Variants in ZNF107 observed in about 807,000 individuals in gnomAD.
ZNF107 encodes C2H2 type zinc-finger protein.
In ZNF107, 19 loss-of-function variants were observed where a neutral mutation model predicts 12.3. The observed-to-expected ratio is 1.55, with a 90% CI of 1.08 to 2.27. The LOEUF is 2.27. Among genes scored for constraint, ZNF107 ranks in the 30% most tolerant of loss-of-function variants. The pLI is 0.00. For missense variants in ZNF107, 958 were observed against 979.9 expected (o/e 0.98, Z 0.30); for synonymous variants, 317 against 330.5 (o/e 0.96, Z 0.44).
chr7:64,677,305 G>A (rs1178070733), intron 1 of ZNF107, among the ~76,000 whole-genome samples: 1 of 151,570 alleles, frequency 6.6e-6, no homozygotes, highest in Non-Finnish European at 1.5e-5. Context: ...CCAAGTAGCT[G>A]GGATTACAGG....
chr7:64,701,643 A>G (rs555545456), intron 3 of ZNF107, among the ~76,000 whole-genome samples: 134 of 152,006 alleles, frequency 8.8e-4, no homozygotes, highest in African/African-American at 3.1e-3. Context: ...TATTTAAGAT[A>G]GGGTTTCACT....
At chr7:64,694,512 GT>G (rs112067000) in intron 3 of ZNF107, among the ~76,000 whole-genome samples, 59,034 of 149,120 alleles carry the variant, frequency 0.4, 11,795 homozygotes, top group African/African-American at 0.42. Flanking sequence ...CTTTTTTTTT[GT>G]TTTTTTTTGT....
rs778138567 is a variant in ZNF107, at chr7:64,707,187, A to G, written c.1090A>G (p.Thr364Ala). Residue 364 changes from threonine (T) to alanine (A), a missense_variant, in exon 4 of 4, where the codon ACT (threonine) becomes GCT (alanine). By Grantham distance (58) the Thr-to-Ala change is moderately conservative. Transcript: ENST00000620827. ...CCTTAATAAACAGGAGAAAATTCAT[A>G]CTGGAGGGAAACTCAACAAATGTGA... ...SNLNKQEKIH[T>A]GGKLNKCEEC... The G allele has an allele frequency of 6.2e-7, 1 of 1,613,768 alleles. No individual in the cohort carries two copies. Among genetic ancestry groups the G allele is most frequent in the Non-Finnish European group, 8.5e-7 (1 of 1,179,828 alleles).
chr7:64,692,336 T>A, intron 3 of ZNF107, among the ~76,000 whole-genome samples: 1 of 152,206 alleles, frequency 6.6e-6, no homozygotes, highest in East Asian at 1.9e-4. Context: ...ATATCTGAAA[T>A]GTGTGAGTAG....
chr7:64,706,434 T>C lies in ZNF107; in HGVS notation c.337T>C (p.Leu113=). The C allele has an allele frequency of 6.2e-7, 1 of 1,613,364 alleles. No homozygotes were observed. The highest frequency in any genetic ancestry group is 8.5e-7 in the Non-Finnish European group (1 of 1,179,582). The change falls in exon 4 of 4, where the codon TTA becomes CTA. Residue 113 remains leucine, a synonymous_variant. Transcript: ENST00000620827. ...AAAATGTGAATATGAGAATTTACAG[T>C]TAAGAAAAGGCTGTAAACATGTGGA... The part of the protein sequence containing the change: ...YGKCEYENLQ[L]RKGCKHVDEC...
Position 64,707,689 on chromosome 7 carries a change from A to T in ZNF107, c.1592A>T (p.His531Leu), listed in dbSNP as rs755117930. ...AACCTTACTGAACATAAGAAAATTC[A>T]TACTGGAGAGAAACCCTATAAATGT... ...SSNLTEHKKI[H>L]TGEKPYKCEE... Residue 531 changes from histidine (H) to leucine (L), a missense_variant, in exon 4 of 4, where the codon CAT becomes CTT. His to Leu is a moderately conservative substitution (Grantham distance 99). Transcript: ENST00000620827. 1.2e-6 allele frequency: 2 copies of T among 1,612,898 alleles called. No individual in the cohort carries two copies. Among genetic ancestry groups the T allele is most frequent in the South Asian group, 2.2e-5 (2 of 90,998 alleles).
At chr7:64,673,424 A>G (rs1002678323) in intron 1 of ZNF107, among the ~76,000 whole-genome samples, 1 of 152,168 alleles carries the variant, frequency 6.6e-6, no homozygotes, top group Non-Finnish European at 1.5e-5. Flanking sequence ...CTACTTTTTA[A>G]TAAGGTTGTT....
chr7:64,675,182 C>G (rs1165546364), intron 1 of ZNF107, among the ~76,000 whole-genome samples: 1 of 152,148 alleles, frequency 6.6e-6, no homozygotes, highest in Non-Finnish European at 1.5e-5. Flanking sequence ...ATGGTACCGG[C>G]TCTTCTTTGT....
chr7:64,684,451 A>G (rs772511564), intron 1 of ZNF107: 128 of 437,696 alleles, frequency 2.9e-4, no homozygotes, highest in South Asian at 3.8e-4. Context: ...TGGTACCCCA[A>G]TGGCTGTCTG....
At chr7:64,678,723 AATT>A (rs1482578493) in intron 1 of ZNF107, among the ~76,000 whole-genome samples, 1 of 152,158 alleles carries the variant, frequency 6.6e-6, no homozygotes, top group Non-Finnish European at 1.5e-5. Flanking sequence ...TTTACTACCA[AATT>A]ATTATAGTAG....
Position 64,708,585 on chromosome 7 carries a change from T to C in ZNF107, c.2488T>C (p.Ser830Pro). The change falls in exon 4 of 4, where the codon TCA becomes CCA. Residue 830 changes from serine to proline, a missense_variant. Physicochemically the swap from Ser to Pro is moderately conservative, Grantham distance 74. Transcript: ENST00000620827. ...TTATGGCAGAGCTTTCAACCTATCC[T>C]CAAATCTTACTACACATAAGAAAAT... ...GDYGRAFNLS[S>P]NLTTHKKIHT... 1 of 1,612,220 alleles carries C rather than the reference T, an allele frequency of 6.2e-7. No homozygotes were observed. The highest frequency in any genetic ancestry group is 1.7e-5 in the Admixed American group (1 of 59,776).
intron 1 of ZNF107, among the ~76,000 whole-genome samples, chr7:64,678,800 G>A (rs1584467978): frequency 6.6e-6 from 1 of 152,034 alleles, no homozygotes; most frequent in African/African-American, 2.4e-5. Flanking sequence ...CATGATTTTA[G>A]TGTCTTTTAT....
At chr7:64,677,012 T>A (rs1188245169) in intron 1 of ZNF107, among the ~76,000 whole-genome samples, 1 of 152,164 alleles carries the variant, frequency 6.6e-6, no homozygotes, top group Non-Finnish European at 1.5e-5. Flanking sequence ...ATTGTATACT[T>A]ACCAACATCC....
At chr7:64,679,788 A>G (rs960384968) in intron 1 of ZNF107, among the ~76,000 whole-genome samples, 2 of 152,078 alleles carry the variant, frequency 1.3e-5, no homozygotes, top group African/African-American at 4.8e-5. Flanking sequence ...GGCACTTTCA[A>G]TTTCTCTATT....
At chr7:64,700,849 T>C (rs556791052) in intron 3 of ZNF107, among the ~76,000 whole-genome samples, 5 of 152,120 alleles carry the variant, frequency 3.3e-5, no homozygotes, top group African/African-American at 1.2e-4. Context: ...CATTTTTTTC[T>C]TTATAAGTTA....
Position 64,710,851 on chromosome 7 carries a change from T to G in ZNF107, c.*2195T>G, listed in dbSNP as rs551237928. The G allele has an allele frequency of 2.9e-4, 44 of 152,284 alleles. No homozygotes were observed. The highest frequency in any genetic ancestry group is 1.0e-3 in the African/African-American group (43 of 41,574). 9.4% of individuals were successfully genotyped at this position (152,284 alleles called of 1,614,324 possible). On this transcript the variant is annotated 3_prime_UTR_variant, in exon 4 of 4. Transcript: ENST00000620827. The stretch of plus-strand genomic sequence containing the variant: ...ATGATGAAAACCTGAGTGAAGAGGC[T>G]GTTTGTGTTTAACTTATAATATTGA...
At position 64,685,406 on chromosome 7, in the gene ZNF107, C is replaced by A. The variant is rs1174751042; in HGVS notation, c.4-5842C>A. 3.9e-5 allele frequency among the ~76,000 whole-genome samples: 6 copies of A among 152,084 alleles called. No individual in the cohort carries two copies. In the East Asian group the frequency reaches 1.2e-3, roughly 29 times the overall value. ...TCAAAGCCCCCAGAAGTCATCAGCA[C>A]CTCTCTGCTTAACAAACAATCCGGG... On this transcript the variant is annotated intron_variant, in intron 1 of 3. Transcript: ENST00000620827.
intron 1 of ZNF107, chr7:64,687,198 C>T (rs1789951885): frequency 2.0e-6 from 2 of 986,476 alleles, no homozygotes; most frequent in Non-Finnish European, 2.4e-6. Flanking sequence ...ATTACTATCC[C>T]ATGGTGTCTG....
At position 64,707,711 on chromosome 7, in the gene ZNF107, AT is replaced by A. The variant is rs1790719406; in HGVS notation, c.1615del (p.Cys539ValfsTer47). 1 of 1,612,870 alleles carries A rather than the reference AT, an allele frequency of 6.2e-7. No individual in the cohort carries two copies. The highest frequency in any genetic ancestry group is 1.3e-5 in the African/African-American group (1 of 74,892). Reference protein sequence around the residue: ...KIHTGEKPYKCEECGKAFNRF... With the variant: ...KIHTGEKPYKXEECGKAFNRF... ...TTCATACTGGAGAGAAACCCTATAAATGTGAGGAATGTGGCAAAGCTTTTAA... is the reference window on the plus strand; with the variant it reads ...TTCATACTGGAGAGAAACCCTATAAAGTGAGGAATGTGGCAAAGCTTTTAA... On this transcript the variant is annotated frameshift_variant, in exon 4 of 4. Transcript: ENST00000620827. LOFTEE classifies it low-confidence loss of function (END_TRUNC).
Sources: allele counts gnomAD v4.1 joint callset (sites outside exome capture counted in the v4.1 genomes callset), GRCh38; gene constraint gnomAD v4.1.1; transcripts MANE v1.5; gene names NCBI Gene and HGNC (gene_info 2026-07-23, HGNC 2026-07-21).